HECTD4: variants seen among roughly 807,000 people sequenced by gnomAD.
The protein encoded by HECTD4 is HECT domain E3 ubiquitin protein ligase 4.
In HECTD4, 114 loss-of-function variants were observed where a neutral mutation model predicts 471.5. That is an observed-to-expected ratio of 0.24 (90% confidence interval 0.21 to 0.28). HECTD4 has a LOEUF of 0.28. Ranked by LOEUF, HECTD4 falls within the 10% of genes least tolerant of loss-of-function variation. The pLI is 1.00. For missense variants in HECTD4, 3,866 were observed against 5,651.5 expected, an observed-to-expected ratio of 0.68 and a Z score of 10.13; for synonymous variants, 2,012 against 2,256.0, an observed-to-expected ratio of 0.89 and a Z score of 3.07.
At chr12:112,358,364 C>T (rs778346961) in intron 1 of HECTD4, among the ~76,000 whole-genome samples, 51 of 152,040 alleles carry the variant, frequency 3.4e-4, no homozygotes, top group Non-Finnish European at 6.0e-4. Context: ...ACCTGAAATC[C>T]CAGCTATTCA....
chr12:112,217,043 C>T lies in HECTD4; in HGVS notation c.7227G>A (p.Leu2409=). The stretch of plus-strand genomic sequence containing the variant: ...TCATGTGATGTCTCACCTGAACTGG[C>T]AGTGGTGAAGTGGCATAGATAAAAG... ...RGTFIYATSP[L]PVQAPSFYWE... The change falls in exon 46 of 76, where the codon CTG becomes CTA. Residue 2409 remains leucine (L), a synonymous_variant. Transcript: ENST00000682272. 1 of 1,581,724 alleles carries T rather than the reference C, an allele frequency of 6.3e-7. No homozygotes were observed. Among genetic ancestry groups the T allele is most frequent in the South Asian group, 1.1e-5 (1 of 87,238 alleles).
Position 112,273,772 on chromosome 12 carries a change from T to C in HECTD4, c.1825A>G (p.Asn609Asp). Residue 609 changes from asparagine to aspartate, a missense_variant, in exon 11 of 76, where the codon AAC becomes GAC. Around this residue, in one of 16 missense-constraint regions of HECTD4, gnomAD observed 525 missense variants for 672.6 expected, o/e 0.78. Coordinates refer to ENST00000682272, the MANE Select transcript of HECTD4 (RefSeq NM_001388303.1). ...GLGACYDTVN[N>D]MLWTCSNDYI... The stretch of plus-strand genomic sequence containing the variant: ...TCATTTGAGCATGTCCATAGCATGT[T>C]GTTCACTGTGTCATAACACGCTCCT... 1 of 1,613,972 alleles carries C rather than the reference T, an allele frequency of 6.2e-7. No homozygotes were observed. The highest frequency in any genetic ancestry group is 8.5e-7 in the Non-Finnish European group (1 of 1,179,872).
chr12:112,167,672 A>T, intron 71 of HECTD4, 134 bp from the exon 72 acceptor site: 1 of 1,015,536 alleles, frequency 9.8e-7, no homozygotes, highest in Non-Finnish European at 1.5e-6. Context: ...TTGCCCATCC[A>T]GTGAGGCAAG....
chr12:112,211,531 GAA>G (rs550197035), intron 49 of HECTD4, among the ~76,000 whole-genome samples: 3 of 140,158 alleles, frequency 2.1e-5, no homozygotes, highest in Non-Finnish European at 1.6e-5. Context: ...CCTGAAGGGG[GAA>G]AAAAAAAAAA....
Position 112,235,260 on chromosome 12 carries a change from T to C in HECTD4, c.5732A>G (p.Gln1911Arg). 1 of 1,611,634 alleles carries C rather than the reference T, an allele frequency of 6.2e-7. No individual in the cohort carries two copies. The highest frequency in any genetic ancestry group is 8.5e-7 in the Non-Finnish European group (1 of 1,178,948). ...AGAAGCGGTTGGAGAAAGAACTGTC[T>C]GACATCCTTTAAGCAAAAAACAAAG... ...KLADYVVPGC[Q>R]TVLSPTASEP... The change falls in exon 37 of 76, where the codon CAG (glutamine) becomes CGG (arginine). Residue 1911 changes from glutamine to arginine, a missense_variant. By Grantham distance (43) the Gln-to-Arg change is conservative (BLOSUM62 1). Around this residue, in one of 16 missense-constraint regions of HECTD4, gnomAD observed 617 missense variants for 915.1 expected, o/e 0.67. Coordinates refer to ENST00000682272, the MANE Select transcript of HECTD4 (RefSeq NM_001388303.1). This position sits in a 1 kb window ranked among gnomAD's most constrained non-coding sequence, Gnocchi z 5.0.
chr12:112,199,218 T>C (rs900893687), intron 55 of HECTD4, among the ~76,000 whole-genome samples: 3 of 152,172 alleles, frequency 2.0e-5, no homozygotes, highest in African/African-American at 7.2e-5. Flanking sequence ...GGACCCCTGT[T>C]GAAGAAACAT....
intron 1 of HECTD4, among the ~76,000 whole-genome samples, chr12:112,334,207 T>TTACATAAA (rs2035895819): frequency 7.0e-6 from 1 of 142,646 alleles, no homozygotes. Context: ...AGACTCCCTC[T>TTACATAAA]TAAATAAATA....
chr12:112,301,703 A>AT (rs148029363), intron 7 of HECTD4, among the ~76,000 whole-genome samples: 97 of 152,048 alleles, frequency 6.4e-4, no homozygotes, highest in African/African-American at 2.1e-3. Flanking sequence ...TTTTTGAGGC[A>AT]TCCTGTCCTG....
chr12:112,341,552 T>G (rs2036054770), intron 1 of HECTD4, among the ~76,000 whole-genome samples: 1 of 152,162 alleles, frequency 6.6e-6, no homozygotes, highest in African/African-American at 2.4e-5. Context: ...CAGCTGTGCC[T>G]GACTAATTAA....
At chr12:112,165,728 CCTGA>C (rs934723662) in intron 72 of HECTD4, among the ~76,000 whole-genome samples, 14 of 152,338 alleles carry the variant, frequency 9.2e-5, no homozygotes, top group African/African-American at 3.1e-4. Context: ...ACCAGACAGC[CCTGA>C]CTTAGTCCTG....
At chr12:112,328,701 C>T (rs1215403472) in intron 1 of HECTD4, among the ~76,000 whole-genome samples, 1 of 152,086 alleles carries the variant, frequency 6.6e-6, no homozygotes, top group Non-Finnish European at 1.5e-5. Context: ...TAAATTAGAC[C>T]CTGAAGCTGC....
At chr12:112,209,085 A>G (rs1442422014) in intron 50 of HECTD4, among the ~76,000 whole-genome samples, 1 of 151,236 alleles carries the variant, frequency 6.6e-6, no homozygotes, top group Non-Finnish European at 1.5e-5. Flanking sequence ...ATTTTTTTGT[A>G]GAGACAGGGT....
At chr12:112,267,085 G>C (rs2034293255) in intron 13 of HECTD4, 103 bp from the exon 14 acceptor site, 1 of 694,570 alleles carries the variant, frequency 1.4e-6, no homozygotes, top group Non-Finnish European at 2.5e-6. Context: ...TTGGATGTGA[G>C]GGCAATCTGG....
intron 37 of HECTD4, 135 bp downstream of exon 37, chr12:112,234,942 A>C: frequency 1.4e-6 from 1 of 699,848 alleles, no homozygotes; most frequent in Non-Finnish European, 2.3e-6. Context: ...CACAGGAATC[A>C]CAGTGACAGT....
At chr12:112,375,833 T>C (rs1405573148) in intron 1 of HECTD4, among the ~76,000 whole-genome samples, 1 of 150,970 alleles carries the variant, frequency 6.6e-6, no homozygotes, top group African/African-American at 2.4e-5. Flanking sequence ...CTTTGAGAGG[T>C]AGAGGCGGCT....
Position 112,171,138 on chromosome 12 carries a change from C to T in HECTD4, c.11911G>A (p.Ala3971Thr), listed in dbSNP as rs1490517649. The change falls in exon 68 of 76, where the codon GCC becomes ACC. Residue 3971 changes from alanine to threonine, a missense_variant. By Grantham distance (58) the Ala-to-Thr change is moderately conservative (BLOSUM62 0). Transcript: ENST00000682272. The stretch of plus-strand genomic sequence containing the variant: ...TGACCTTTGGCCTCCTTCAGCAGGG[C>T]GGCGATGCTGTGGGTATACATGGGT... ...QTPMYTHSIA[A>T]LLKEAKGLIF... 11 of 1,613,150 alleles carry T rather than the reference C, an allele frequency of 6.8e-6. No homozygotes were observed. The highest frequency in any genetic ancestry group is 2.2e-5 in the East Asian group (1 of 44,882).
intron 21 of HECTD4, among the ~76,000 whole-genome samples, chr12:112,255,954 G>C (rs1004917659): frequency 2.6e-5 from 4 of 152,224 alleles, no homozygotes; most frequent in African/African-American, 9.6e-5. Context: ...ATTGGGCAGT[G>C]AGACCTTTCT....
Position 112,226,764 on chromosome 12 carries a change from T to C in HECTD4, c.6855-6A>G, listed in dbSNP as rs780037266. The C allele has an allele frequency of 6.3e-7, 1 of 1,584,424 alleles. No homozygotes were observed. Among genetic ancestry groups the C allele is most frequent in the East Asian group, 2.2e-5 (1 of 44,478 alleles). ...GGGCCATGACCAGGCATGCTCTTAA[T>C]GTTAAAAGATTTACAATATTTCAAA... is the stretch of plus-strand genomic sequence containing the variant. On this transcript the variant is annotated splice_polypyrimidine_tract_variant and splice_region_variant and intron_variant, in intron 43 of 75. Transcript: ENST00000682272.
chr12:112,279,163 G>T, intron 9 of HECTD4, 65 bp downstream of exon 9: 1 of 1,410,810 alleles, frequency 7.1e-7, no homozygotes, highest in Non-Finnish European at 9.7e-7. Flanking sequence ...ATAATTAATA[G>T]GAAAGCTTTA....
Sources: gnomAD v4.1 joint callset for allele counts (sites outside exome capture counted in the v4.1 genomes callset) on GRCh38, gnomAD v4.1.1 for gene constraint, gnomAD v4.1.1 regional missense constraint, Gnocchi (gnomAD v3.1) non-coding constraint, MANE v1.5 for transcripts, NCBI Gene and HGNC (gene_info 2026-07-23, HGNC 2026-07-21) for gene names.